The following YLPM1 variants were observed in gnomAD, a reference collection of about 807,000 sequenced individuals.
The protein encoded by YLPM1 is YLP motif containing 1.
A neutral mutation model predicts 230.0 loss-of-function variants in YLPM1; 99 were observed. That is an observed-to-expected ratio of 0.43 (90% CI 0.37 to 0.51). The LOEUF (loss-of-function observed/expected upper bound fraction) is 0.51, where lower values mean the gene tolerates loss of function less well. Ranked by LOEUF, YLPM1 falls within the 20% of genes least tolerant of loss-of-function variation. YLPM1 has a pLI of 0.00. For missense variants in YLPM1, 2,592 were observed against 2,707.7 expected (o/e 0.96, Z 0.95); for synonymous variants, 984 against 942.5 (o/e 1.04, Z -0.81).
chr14:74,819,611 A>G (rs1398997817), intron 16 of YLPM1, among the ~76,000 whole-genome samples: 1 of 151,878 alleles, frequency 6.6e-6, no homozygotes, highest in East Asian at 1.9e-4. Context: ...TTCCCATGCC[A>G]TTTCTCAACC....
intron 1 of YLPM1, among the ~76,000 whole-genome samples, chr14:74,777,589 C>T (rs1268523541): frequency 4.0e-5 from 6 of 151,410 alleles, no homozygotes; most frequent in Admixed American, 3.3e-4. Flanking sequence ...ATAAATAAAA[C>T]ACAGCATATT....
chr14:74,814,002 A>G (rs2091456546), intron 11 of YLPM1, among the ~76,000 whole-genome samples: 1 of 152,216 alleles, frequency 6.6e-6, no homozygotes, highest in African/African-American at 2.4e-5. Flanking sequence ...TTGAATAGAC[A>G]TGGCAAGAGT....
At chr14:74,816,401 T>A in intron 12 of YLPM1, 136 bp downstream of exon 12, 1 of 1,252,626 alleles carries the variant, frequency 8.0e-7, no homozygotes, top group Non-Finnish European at 1.1e-6. Flanking sequence ...GCCCATGTGG[T>A]AGATGTTGTC....
intron 19 of YLPM1, among the ~76,000 whole-genome samples, chr14:74,834,183 T>TA (rs5809680): frequency 0.069 from 9,033 of 130,296 alleles, 307 homozygotes; most frequent in Middle Eastern, 0.11. Context: ...ACTCTGACTC[T>TA]AAAAAAAAAA....
chr14:74,763,462 G>C lies in YLPM1; in HGVS notation c.-28G>C. On this transcript the variant is annotated 5_prime_UTR_variant, in exon 1 of 21. Transcript: ENST00000325680. Reference sequence around the variant, plus strand: ...TCGGTTGCGACGAGTAACGGCGCCAGGACGAGCCCTGCGCCTTCTTTTTCG... The same window carrying C: ...TCGGTTGCGACGAGTAACGGCGCCACGACGAGCCCTGCGCCTTCTTTTTCG... 7.1e-7 allele frequency: 1 copy of C among 1,407,168 alleles called. No homozygotes were observed. The highest frequency in any genetic ancestry group is 9.3e-7 in the Non-Finnish European group (1 of 1,074,406). The allele number at this position is 1,407,168 out of a possible 1,614,324, so 87.2% of individuals were successfully genotyped here. A position where few individuals can be genotyped will look rare whatever the true frequency, so the allele number is the denominator to read the frequency against.
rs773222437 is a variant in YLPM1, at chr14:74,781,810, A to G, written c.1767A>G (p.Pro589=). The G allele has an allele frequency of 6.9e-5, 111 of 1,607,052 alleles. No individual in the cohort carries two copies. Among genetic ancestry groups the G allele is most frequent in the Non-Finnish European group, 8.9e-5 (105 of 1,177,958 alleles). ...CTCTCTCTTCTGCAGGGCCACCACC[A>G]GTTCTCCCCCCACCTTCCCTGTCTT... ...PPSLSSAGPP[P]VLPPPSLSSA... The change falls in exon 4 of 21, where the codon CCA becomes CCG. Residue 589 remains proline (P), a synonymous_variant. Transcript: ENST00000325680.
intron 4 of YLPM1, among the ~76,000 whole-genome samples, chr14:74,787,900 A>T (rs139476423): frequency 1.3e-3 from 201 of 152,206 alleles, no homozygotes; most frequent in Middle Eastern, 3.4e-3. Context: ...CTGCAATCTC[A>T]GCTACTCAGG....
chr14:74,816,556 C>T lies in YLPM1; in HGVS notation c.5566-15C>T, dbSNP rs746038093. The T allele has an allele frequency of 1.9e-6, 3 of 1,604,826 alleles. No individual in the cohort carries two copies. Among genetic ancestry groups the T allele is most frequent in the Non-Finnish European group, 2.5e-6 (3 of 1,177,222 alleles). On this transcript the variant is annotated splice_polypyrimidine_tract_variant and intron_variant, in intron 12 of 20. Transcript: ENST00000325680. ...CATAAATTCGTTTTAACCTTCTTGA[C>T]TGTATGATTCTTAGGATAAGGAGGT...
intron 19 of YLPM1, among the ~76,000 whole-genome samples, chr14:74,834,411 T>C (rs985125212): frequency 5.3e-5 from 8 of 152,126 alleles, no homozygotes; most frequent in East Asian, 1.9e-4. Flanking sequence ...TCAAGAAATA[T>C]TTTTGTGTAG....
At chr14:74,775,100 TAAAAAC>T (rs1174619930) in intron 1 of YLPM1, among the ~76,000 whole-genome samples, 1 of 152,152 alleles carries the variant, frequency 6.6e-6, no homozygotes, top group Admixed American at 6.5e-5. Context: ...GTATAATAGT[TAAAAAC>T]AAAAAATCCA....
In YLPM1 at chr14:74,763,349, G is replaced by C; in HGVS notation, c.-141G>C. The C allele has an allele frequency of 9.4e-7, 1 of 1,059,050 alleles. No homozygotes were observed. Among genetic ancestry groups the C allele is most frequent in the Non-Finnish European group, 1.2e-6 (1 of 807,412 alleles). 65.6% of individuals were successfully genotyped at this position (1,059,050 alleles called of 1,614,324 possible). A position where few individuals can be genotyped will look rare whatever the true frequency, so the allele number is the denominator to read the frequency against. On this transcript the variant is annotated 5_prime_UTR_variant, in exon 1 of 21. Coordinates refer to ENST00000325680, the MANE Select transcript of YLPM1 (RefSeq NM_019589.3). ...TCGCGGGCCCAGCTCGGGAGCGCCG[G>C]CGCACTGGCGCGCTCCGTTTACACG...
intron 6 of YLPM1, among the ~76,000 whole-genome samples, chr14:74,805,499 C>T (rs184642423): frequency 6.7e-4 from 101 of 150,950 alleles, no homozygotes; most frequent in African/African-American, 2.3e-3. Context: ...ACACACCCTA[C>T]GCCTGGCTAA....
intron 1 of YLPM1, among the ~76,000 whole-genome samples, chr14:74,775,414 C>G (rs1283795616): frequency 6.6e-6 from 1 of 152,134 alleles, no homozygotes; most frequent in Non-Finnish European, 1.5e-5. Flanking sequence ...TTTAATGCAT[C>G]TGTTTGCATA....
At chr14:74,802,736 G>T (rs1184705278) in intron 6 of YLPM1, 60 bp downstream of exon 6, 1 of 1,465,918 alleles carries the variant, frequency 6.8e-7, no homozygotes, top group Non-Finnish European at 9.1e-7. Context: ...TTTCTATGTT[G>T]TTTGATTTTT....
chr14:74,799,251 A>G lies in YLPM1; in HGVS notation c.3954A>G (p.Glu1318=). The change falls in exon 5 of 21, where the codon GAA becomes GAG. Residue 1318 remains glutamate, a synonymous_variant. Coordinates refer to ENST00000325680, the MANE Select transcript of YLPM1 (RefSeq NM_019589.3). ...WDRDYGRPLD[E]QESQFRERDI... is the part of the protein sequence containing the mutation. ...GAGATTATGGGAGACCACTGGATGA[A>G]CAAGAATCACAGTTTCGTGAACGGG... 6.2e-7 allele frequency: 1 copy of G among 1,614,016 alleles called. No homozygotes were observed. Among genetic ancestry groups the G allele is most frequent in the Non-Finnish European group, 8.5e-7 (1 of 1,179,894 alleles).
chr14:74,827,494 C>T (rs2091574224), intron 18 of YLPM1: 5 of 985,266 alleles, frequency 5.1e-6, no homozygotes, highest in Non-Finnish European at 3.6e-6. Flanking sequence ...AATACATGCT[C>T]TTCTGAAATT....
chr14:74,798,361 G>T lies in YLPM1; in HGVS notation c.3064G>T (p.Gly1022Cys), dbSNP rs1270170594. ...GNRGNSSSYR[G>C]PGQSRMEDTR... ...TAGAGGCAACAGCTCATCTTACAGA[G>T]GTCCTGGGCAAAGCAGAATGGAAGA... Residue 1022 changes from glycine (G) to cysteine (C), a missense_variant, in exon 5 of 21, where the codon GGT becomes TGT. Physicochemically the swap from Gly to Cys is radical, Grantham distance 159 (BLOSUM62 -3). Coordinates refer to ENST00000325680, the MANE Select transcript of YLPM1 (RefSeq NM_019589.3). 6.2e-7 allele frequency: 1 copy of T among 1,613,984 alleles called. No homozygotes were observed. The highest frequency in any genetic ancestry group is 1.7e-5 in the Admixed American group (1 of 60,020).
At chr14:74,794,093 A>G (rs562435151) in intron 4 of YLPM1, among the ~76,000 whole-genome samples, 2 of 152,226 alleles carry the variant, frequency 1.3e-5, no homozygotes, top group African/African-American at 4.8e-5. Context: ...CTCTCTGTTT[A>G]TTATGGGTTT....
chr14:74,805,042 T>C (rs144007244), intron 6 of YLPM1, among the ~76,000 whole-genome samples: 1 of 149,312 alleles, frequency 6.7e-6, no homozygotes, highest in Non-Finnish European at 1.5e-5. Flanking sequence ...TTTTTTGAAA[T>C]GGAGTCTCAC....
Sources: allele counts gnomAD v4.1 joint callset (sites outside exome capture counted in the v4.1 genomes callset), GRCh38; gene constraint gnomAD v4.1.1; transcripts MANE v1.5; gene names NCBI Gene and HGNC (gene_info 2026-07-23, HGNC 2026-07-21).